Variants in INPP4B observed in about 807,000 individuals in gnomAD.
INPP4B encodes inositol polyphosphate-4-phosphatase type II B.
Under a neutral mutation model 122.5 loss-of-function variants are expected in INPP4B, and 55 were observed. The ratio of observed to expected loss-of-function variants is 0.45; its 90% CI spans 0.36 to 0.56. The LOEUF (loss-of-function observed/expected upper bound fraction) is 0.56, where lower values mean the gene tolerates loss of function less well. INPP4B is among the 20% of genes least tolerant of loss of function. INPP4B has a pLI of 0.00. For missense variants in INPP4B, 1,000 were observed against 1,097.7 expected (o/e 0.91, Z 1.26); for synonymous variants, 403 against 388.7 (o/e 1.04, Z -0.43).
At chr4:142,164,212 T>A (rs1296881641) in intron 16 of INPP4B, among the ~76,000 whole-genome samples, 2 of 151,876 alleles carry the variant, frequency 1.3e-5, no homozygotes, top group Non-Finnish European at 2.9e-5. Flanking sequence ...AATTTCTAGT[T>A]TTCTGAATAT....
chr4:142,840,210 G>A (rs1783309453), intron 1 of INPP4B, among the ~76,000 whole-genome samples: 1 of 152,126 alleles, frequency 6.6e-6, no homozygotes, highest in Non-Finnish European at 1.5e-5. Flanking sequence ...TAGGGGATCT[G>A]CTGAAGTGTC....
At chr4:142,275,486 T>C (rs28397201) in intron 9 of INPP4B, among the ~76,000 whole-genome samples, 1 of 151,644 alleles carries the variant, frequency 6.6e-6, no homozygotes, top group Non-Finnish European at 1.5e-5. Flanking sequence ...TAAGCAGAAA[T>C]GAAAATCTCA....
Position 142,673,730 on chromosome 4 carries a change from TG to T in INPP4B, c.-191+52108del, listed in dbSNP as rs1367601627. Among the ~76,000 whole-genome samples, 7 of 152,260 alleles carry T rather than the reference TG, an allele frequency of 4.6e-5. No individual in the cohort carries two copies. In the South Asian group the frequency reaches 6.2e-4, roughly 14 times the overall value. On this transcript the variant is annotated intron_variant, in intron 2 of 25. Coordinates refer to ENST00000262992, the MANE Select transcript of INPP4B (RefSeq NM_001101669.3). ...GATGAAGGACAACCTGAGTGTCAGTTGCAGCCTCAAATTTTGCTGCAGGCAC... is the reference window on the plus strand; with the variant it reads ...GATGAAGGACAACCTGAGTGTCAGTTCAGCCTCAAATTTTGCTGCAGGCAC...
At chr4:142,450,622 A>G (rs1465128868) in intron 3 of INPP4B, among the ~76,000 whole-genome samples, 1 of 152,224 alleles carries the variant, frequency 6.6e-6, no homozygotes, top group Non-Finnish European at 1.5e-5. Flanking sequence ...TTTTCTGAGG[A>G]CGTTTATGTG....
intron 1 of INPP4B, among the ~76,000 whole-genome samples, chr4:142,758,742 C>G (rs1429042478): frequency 6.6e-6 from 1 of 152,100 alleles, no homozygotes; most frequent in Non-Finnish European, 1.5e-5. Flanking sequence ...CACCTGAGGT[C>G]AGGAGTTCAA....
intron 2 of INPP4B, among the ~76,000 whole-genome samples, chr4:142,710,450 T>A (rs1023995285): frequency 6.6e-6 from 1 of 152,200 alleles, no homozygotes; most frequent in Non-Finnish European, 1.5e-5. Flanking sequence ...CATATGATCA[T>A]GTTTTTGAAA....
intron 1 of INPP4B, among the ~76,000 whole-genome samples, chr4:142,728,893 G>A (rs926276537): frequency 2.6e-5 from 4 of 152,124 alleles, no homozygotes; most frequent in Non-Finnish European, 5.9e-5. Flanking sequence ...AATAACACAT[G>A]TCTTCGGCCA....
intron 2 of INPP4B, among the ~76,000 whole-genome samples, chr4:142,672,220 T>C (rs1375354459): frequency 2.0e-5 from 3 of 152,342 alleles, no homozygotes; most frequent in South Asian, 2.1e-4. Flanking sequence ...TCTGTACTTA[T>C]GTGTGAACAT....
chr4:142,320,970 T>C (rs1370057238), intron 7 of INPP4B, among the ~76,000 whole-genome samples: 1 of 152,234 alleles, frequency 6.6e-6, no homozygotes, highest in Non-Finnish European at 1.5e-5. Flanking sequence ...CCTTTTCCTC[T>C]GGGTAGATAC....
chr4:142,163,742 A>G (rs563313971), intron 16 of INPP4B, among the ~76,000 whole-genome samples: 1 of 151,944 alleles, frequency 6.6e-6, no homozygotes, highest in East Asian at 1.9e-4. Context: ...GTCTTGGAAC[A>G]TATCCTCGTG....
chr4:142,628,485 C>A (rs1377616849), intron 2 of INPP4B, among the ~76,000 whole-genome samples: 4 of 133,146 alleles, frequency 3.0e-5, no homozygotes, highest in Non-Finnish European at 6.3e-5. Flanking sequence ...GTGGGTGCAG[C>A]GCACCAGCAT....
rs764477473 is a variant in INPP4B, at chr4:142,028,777, T to TA, written c.*4dup. On this transcript the variant is annotated 3_prime_UTR_variant, in exon 26 of 26. Coordinates refer to ENST00000262992, the MANE Select transcript of INPP4B (RefSeq NM_001101669.3). Reference sequence around the variant, plus strand: ...GTGTTCCTGTTTATTAACATGTTGGTAAACTTAGGTGTCAGCTTTTCCATA... The same window carrying TA: ...GTGTTCCTGTTTATTAACATGTTGGTAAAACTTAGGTGTCAGCTTTTCCATA... 1.9e-6 allele frequency: 3 copies of TA among 1,605,352 alleles called. No individual in the cohort carries two copies. The East Asian group carries it at 6.7e-5, about 36-fold the overall frequency.
chr4:142,820,917 C>A (rs933214917), intron 1 of INPP4B, among the ~76,000 whole-genome samples: 1 of 151,990 alleles, frequency 6.6e-6, no homozygotes, highest in East Asian at 1.9e-4. Context: ...AGTCCGAGTC[C>A]TTTTATTCTA....
At chr4:142,664,160 G>C (rs953572872) in intron 2 of INPP4B, among the ~76,000 whole-genome samples, 1 of 152,096 alleles carries the variant, frequency 6.6e-6, no homozygotes, top group East Asian at 1.9e-4. Flanking sequence ...AGTAAGAGAG[G>C]CATCTTATAG....
At chr4:142,077,416 T>A (rs191978797) in intron 25 of INPP4B, among the ~76,000 whole-genome samples, 2 of 152,124 alleles carry the variant, frequency 1.3e-5, no homozygotes, top group East Asian at 3.9e-4. Flanking sequence ...TACAATGGTA[T>A]TTTTGTTTTA....
intron 1 of INPP4B, among the ~76,000 whole-genome samples, chr4:142,799,990 C>A (rs1039785778): frequency 6.6e-6 from 1 of 151,840 alleles, no homozygotes; most frequent in East Asian, 1.9e-4. Flanking sequence ...CTTAAATTTC[C>A]AGAAGTATAA....
intron 2 of INPP4B, among the ~76,000 whole-genome samples, chr4:142,693,271 T>A (rs1487745723): frequency 6.6e-6 from 1 of 152,018 alleles, no homozygotes; most frequent in Non-Finnish European, 1.5e-5. Context: ...GGCAGTTGCT[T>A]ACAGTGAACA....
intron 7 of INPP4B, among the ~76,000 whole-genome samples, chr4:142,336,443 C>T (rs373577986): frequency 2.6e-5 from 4 of 152,324 alleles, no homozygotes; most frequent in East Asian, 1.9e-4. Context: ...TGCCCCTATC[C>T]GCCAAGCCAC....
intron 1 of INPP4B, among the ~76,000 whole-genome samples, chr4:142,783,956 A>G (rs1207339422): frequency 6.6e-6 from 1 of 152,168 alleles, no homozygotes; most frequent in East Asian, 1.9e-4. Flanking sequence ...AAATTTTAAG[A>G]CTTTTCAATC....
Sources: allele counts gnomAD v4.1 joint callset (sites outside exome capture counted in the v4.1 genomes callset), GRCh38; gene constraint gnomAD v4.1.1; transcripts MANE v1.5; gene names NCBI Gene and HGNC (gene_info 2026-07-23, HGNC 2026-07-21).